FSTL4: variants seen among roughly 807,000 people sequenced by gnomAD.
FSTL4 encodes the protein follistatin-related protein 4.
FSTL4 carries 28 observed loss-of-function variants against 78.2 expected under a neutral mutation model. The observed-to-expected ratio is 0.36, with a 90% CI of 0.27 to 0.49. The LOEUF (loss-of-function observed/expected upper bound fraction) is 0.49, where lower values mean the gene tolerates loss of function less well. Among genes scored for constraint, FSTL4 ranks in the 20% least tolerant of loss-of-function variants. FSTL4 has a pLI of 0.98. For synonymous variants in FSTL4, 422 were observed against 440.5 expected (o/e 0.96, Z 0.53); for missense variants, 922 against 1,084.9 (o/e 0.85, Z 2.11).
chr5:133,637,011 G>A, the FSTL4 span, among the ~76,000 whole-genome samples: 1 of 152,180 alleles, frequency 6.6e-6, no homozygotes, highest in African/African-American at 2.4e-5. Flanking sequence ...GGCTGGAGTG[G>A]AAGCATAAGT....
At chr5:133,644,733 C>T in the FSTL4 span, among the ~76,000 whole-genome samples, 1 of 152,122 alleles carries the variant, frequency 6.6e-6, no homozygotes, top group Non-Finnish European at 1.5e-5. Context: ...ACCTCTCCCC[C>T]AGACCCATAC....
rs577449313 is a variant in FSTL4, at chr5:133,217,175, G to A, written c.1608+54C>T. 160 of 1,480,194 alleles carry A rather than the reference G, an allele frequency of 1.1e-4. No individual in the cohort carries two copies. In the South Asian group the frequency reaches 1.8e-3, roughly 17 times the overall value. The allele number at this position is 1,480,194 out of a possible 1,614,324, so 91.7% of individuals were successfully genotyped here. A position where few individuals can be genotyped will look rare whatever the true frequency, so the allele number is the denominator to read the frequency against. ...GTATGCAGAAAGCAAAGAAGAATGT[G>A]GCAGGCTGTGCCCCAGAATTTGAAG... On this transcript the variant is annotated intron_variant, in intron 13 of 15. Transcript: ENST00000265342.
rs972163633 is a variant in FSTL4 at position 133,331,435 on chromosome 5, C to T, written c.410-14783G>A. On this transcript the variant is annotated intron_variant, in intron 4 of 15. Coordinates refer to ENST00000265342, the MANE Select transcript of FSTL4 (RefSeq NM_015082.2). Reference sequence around the variant, plus strand: ...TGGACTGCAAATCAATGCCATTGAACTGCAGTCTCCAGGAAGGAACTCCCC... The same window carrying T: ...TGGACTGCAAATCAATGCCATTGAATTGCAGTCTCCAGGAAGGAACTCCCC... 1.4e-4 allele frequency among the ~76,000 whole-genome samples: 22 copies of T among 152,202 alleles called. 1 individual carries two copies. Among genetic ancestry groups the T allele is most frequent in the Non-Finnish European group, 4.4e-5 (3 of 68,036 alleles).
At chr5:133,315,603 C>T (rs1753884874) in intron 5 of FSTL4, among the ~76,000 whole-genome samples, 1 of 152,080 alleles carries the variant, frequency 6.6e-6, no homozygotes, top group African/African-American at 2.4e-5. Flanking sequence ...TCTGTGGTCA[C>T]AAGAAAAAGG....
At chr5:133,771,530 T>C in the FSTL4 span, among the ~76,000 whole-genome samples, 235 of 152,298 alleles carry the variant, frequency 1.5e-3, no homozygotes, top group Admixed American at 4.4e-3. Flanking sequence ...GGTCCTCAGC[T>C]AGATTCTTAT....
chr5:133,614,300 T>C (rs1337601276), upstream of FSTL4, among the ~76,000 whole-genome samples: 1 of 152,182 alleles, frequency 6.6e-6, no homozygotes, highest in Non-Finnish European at 1.5e-5. Context: ...GGTCTATAGG[T>C]TGACCAAGAT....
chr5:133,202,348 C>G lies in FSTL4; in HGVS notation c.1717-306G>C, dbSNP rs369688629. ...GCCACCATGATGGCAGAGTGAGAAC[C>G]TGAGGGGTGGTGGTGGGGTTTCCAA... is the stretch of plus-strand genomic sequence containing the variant. On this transcript the variant is annotated intron_variant, in intron 14 of 15. Coordinates refer to ENST00000265342, the MANE Select transcript of FSTL4 (RefSeq NM_015082.2). 9.5e-5 allele frequency: 19 copies of G among 199,736 alleles called. No homozygotes were observed. The East Asian group carries it at 1.7e-3, about 18-fold the overall frequency. 12.4% of individuals were successfully genotyped at this position (199,736 alleles called of 1,614,324 possible).
rs114245130 is a variant in FSTL4, at chr5:133,525,984, T to C, written c.160+41202A>G. Among the ~76,000 whole-genome samples the C allele has an allele frequency of 2.8e-3, 431 of 152,248 alleles. 1 individual carries two copies. The highest frequency in any genetic ancestry group is 0.01 in the African/African-American group (419 of 41,552). ...AGCACTGTGCTGGGTGCTAGGGTCA[T>C]GGGGGAGACGGAGCAGCTTGTTATT... On this transcript the variant is annotated intron_variant, in intron 3 of 15. Transcript: ENST00000265342.
At chr5:133,758,183 A>T in the FSTL4 span, among the ~76,000 whole-genome samples, 1 of 152,318 alleles carries the variant, frequency 6.6e-6, no homozygotes, top group South Asian at 2.1e-4. Context: ...CCACTCACTG[A>T]GGGATGTGCA....
At chr5:133,832,581 G>A in the FSTL4 span, among the ~76,000 whole-genome samples, 2 of 152,168 alleles carry the variant, frequency 1.3e-5, no homozygotes, top group Non-Finnish European at 2.9e-5. Context: ...ATTTACCTTC[G>A]CTCTGCCCAT....
chr5:133,312,627 C>A, intron 6 of FSTL4, 27 bp downstream of exon 6: 1 of 1,611,458 alleles, frequency 6.2e-7, no homozygotes, highest in East Asian at 2.2e-5. Context: ...CAGAAATAAG[C>A]CCTTTTCCCA....
chr5:133,202,827 GCT>G (rs1349209816), intron 14 of FSTL4: 3 of 152,326 alleles, frequency 2.0e-5, no homozygotes, highest in Non-Finnish European at 4.4e-5. Flanking sequence ...TGGAGGTAAC[GCT>G]TTCTCCCCTG....
rs534892770 is a variant in FSTL4 at position 133,596,809 on chromosome 5, C to T, written c.126+7049G>A. On this transcript the variant is annotated intron_variant, in intron 2 of 15. Coordinates refer to ENST00000265342, the MANE Select transcript of FSTL4 (RefSeq NM_015082.2). ...TGTGATTGAGGGAAGACCTCAGCCC[C>T]GCAGGCCACTCACACTCATTCTTCA... 4.6e-5 allele frequency among the ~76,000 whole-genome samples: 7 copies of T among 152,308 alleles called. No individual in the cohort carries two copies. In the South Asian group the frequency reaches 8.3e-4, roughly 18 times the overall value.
chr5:133,776,358 A>G, the FSTL4 span, among the ~76,000 whole-genome samples: 2 of 152,316 alleles, frequency 1.3e-5, no homozygotes, highest in South Asian at 4.1e-4. Context: ...CCTCTCTCTT[A>G]TGGCTACAGC....
intron 3 of FSTL4, among the ~76,000 whole-genome samples, chr5:133,491,998 C>G (rs1758276390): frequency 6.6e-6 from 1 of 152,186 alleles, no homozygotes; most frequent in Non-Finnish European, 1.5e-5. Flanking sequence ...CTGCTGTCTA[C>G]TGAACTGCAA....
the FSTL4 span, among the ~76,000 whole-genome samples, chr5:133,741,616 C>T: frequency 2.4e-4 from 36 of 152,300 alleles, no homozygotes; most frequent in Admixed American, 3.9e-4. Context: ...ACACAATGAA[C>T]AGCAAGAGCC....
At chr5:133,417,376 A>T (rs1236907206) in intron 3 of FSTL4, among the ~76,000 whole-genome samples, 1 of 152,180 alleles carries the variant, frequency 6.6e-6, no homozygotes, top group Non-Finnish European at 1.5e-5. Flanking sequence ...AGATCATTAG[A>T]GAACTGTGGG....
At chr5:133,729,189 C>T in the FSTL4 span, among the ~76,000 whole-genome samples, 2 of 151,724 alleles carry the variant, frequency 1.3e-5, no homozygotes, top group Admixed American at 1.3e-4. Flanking sequence ...CCCTTGGTTG[C>T]CTGGCACATG....
In FSTL4 at chr5:133,568,526, A is replaced by G. The variant is rs1760079152; in HGVS notation, c.127-1307T>C. Among the ~76,000 whole-genome samples, 4 of 152,172 alleles carry G rather than the reference A, an allele frequency of 2.6e-5. No homozygotes were observed. In the South Asian group the frequency reaches 8.3e-4, roughly 32 times the overall value. On this transcript the variant is annotated intron_variant, in intron 2 of 15. Coordinates refer to ENST00000265342, the MANE Select transcript of FSTL4 (RefSeq NM_015082.2). Reference sequence around the variant, plus strand: ...TACATTCCCTGACTGCTACCTTTCTACTGAGCAAAAAGCCCTGGTGGAGAT... The same window carrying G: ...TACATTCCCTGACTGCTACCTTTCTGCTGAGCAAAAAGCCCTGGTGGAGAT...
Sources: gnomAD v4.1 joint callset for allele counts (sites outside exome capture counted in the v4.1 genomes callset) on GRCh38, gnomAD v4.1.1 for gene constraint, MANE v1.5 for transcripts, NCBI Gene and HGNC (gene_info 2026-07-23, HGNC 2026-07-21) for gene names.